The following CFAP251 variants were observed in gnomAD, a reference collection of about 807,000 sequenced individuals.
The protein encoded by CFAP251 is cilia- and flagella-associated protein 251.
Under a neutral mutation model 126.7 loss-of-function variants are expected in CFAP251, and 93 were observed. The ratio of observed to expected loss-of-function variants is 0.73; its 90% CI spans 0.62 to 0.87. CFAP251 has a LOEUF of 0.87. Ranked by LOEUF, CFAP251 falls within the 40% of genes least tolerant of loss-of-function variation. The pLI is 0.00. For synonymous variants in CFAP251, 503 were observed against 506.9 expected, an observed-to-expected ratio of 0.99 and a Z score of 0.10; for missense variants, 1,287 against 1,389.2, an observed-to-expected ratio of 0.93 and a Z score of 1.17.
chr12:121,988,330 C>T (rs830122), intron 19 of CFAP251, among the ~76,000 whole-genome samples: 133,329 of 151,934 alleles, frequency 0.88, 58,672 homozygotes, highest in African/African-American at 0.94. Context: ...ATCACCACCA[C>T]GTAATCCTAG....
chr12:121,928,690 GTA>G (rs367690393), intron 3 of CFAP251, among the ~76,000 whole-genome samples: 4 of 62,834 alleles, frequency 6.4e-5, no homozygotes, highest in African/African-American at 3.0e-4. Context: ...ATATATATAC[GTA>G]TATATATATA....
At chr12:121,951,407 TTTTATTATTAA>T in intron 8 of CFAP251, 62 bp from the exon 9 acceptor site, 1 of 1,088,246 alleles carries the variant, frequency 9.2e-7, no homozygotes, top group South Asian at 1.8e-5. Flanking sequence ...TTTGTTTTGC[TTTTATTATTAA>T]TGCCGTTCTT....
chr12:121,969,570 C>T (rs539280606), intron 17 of CFAP251: 25 of 869,486 alleles, frequency 2.9e-5, no homozygotes, highest in South Asian at 2.1e-4. Context: ...ACTGCAGCCT[C>T]GAACTCCTGG....
chr12:121,940,635 C>A (rs566647448), intron 5 of CFAP251, among the ~76,000 whole-genome samples: 1 of 152,324 alleles, frequency 6.6e-6, no homozygotes, highest in Non-Finnish European at 1.5e-5. Context: ...AGACCTCCCC[C>A]AACCCAACCA....
intron 19 of CFAP251, among the ~76,000 whole-genome samples, chr12:121,979,667 C>T (rs1332979647): frequency 6.8e-6 from 1 of 147,920 alleles, no homozygotes; most frequent in Admixed American, 6.9e-5. Context: ...CAGGTTCAAG[C>T]GATTCTCCTG....
At chr12:121,963,171 G>A (rs1223076498) in intron 15 of CFAP251, among the ~76,000 whole-genome samples, 1 of 152,210 alleles carries the variant, frequency 6.6e-6, no homozygotes, top group East Asian at 1.9e-4. Flanking sequence ...AGAGCTGATG[G>A]CGGCTTGGCC....
At chr12:121,946,550 G>C in intron 7 of CFAP251, among the ~76,000 whole-genome samples, 1 of 152,108 alleles carries the variant, frequency 6.6e-6, no homozygotes, top group Non-Finnish European at 1.5e-5. Flanking sequence ...GCCCCCAGCT[G>C]ATTTTACAGA....
At chr12:121,925,595 A>T (rs766859028) in intron 3 of CFAP251, among the ~76,000 whole-genome samples, 2 of 152,084 alleles carry the variant, frequency 1.3e-5, no homozygotes, top group Admixed American at 1.3e-4. Flanking sequence ...GCAACTGTTC[A>T]CTCCGAGAGA....
intron 5 of CFAP251, among the ~76,000 whole-genome samples, chr12:121,936,401 C>G (rs1369082178): frequency 6.6e-6 from 1 of 152,188 alleles, no homozygotes; most frequent in East Asian, 1.9e-4. Flanking sequence ...GAGCCATGAT[C>G]GTGCCATTGC....
chr12:122,000,056 T>G, intron 20 of CFAP251, 112 bp downstream of exon 20: 1 of 992,780 alleles, frequency 1.0e-6, no homozygotes, highest in Non-Finnish European at 1.5e-6. Context: ...AAAGAGGTGA[T>G]TTGACCAGAT....
intron 5 of CFAP251, among the ~76,000 whole-genome samples, chr12:121,934,678 A>G (rs951679030): frequency 2.0e-5 from 3 of 151,982 alleles, no homozygotes; most frequent in Non-Finnish European, 4.4e-5. Context: ...CATTCCATAC[A>G]TTTCTTGTTG....
intron 19 of CFAP251, among the ~76,000 whole-genome samples, chr12:121,991,436 A>T (rs1337613424): frequency 6.6e-6 from 1 of 152,236 alleles, no homozygotes; most frequent in Non-Finnish European, 1.5e-5. Flanking sequence ...TAAGAGCAGC[A>T]GTATTCAAAG....
At chr12:121,923,546 G>A in intron 2 of CFAP251, 76 bp from the exon 3 acceptor site, 1 of 1,510,522 alleles carries the variant, frequency 6.6e-7, no homozygotes, top group East Asian at 2.3e-5. Context: ...AAGACTGGCT[G>A]ACTGGGAATA....
chr12:121,963,887 T>C (rs1310084311), intron 15 of CFAP251, among the ~76,000 whole-genome samples: 1 of 151,830 alleles, frequency 6.6e-6, no homozygotes, highest in East Asian at 1.9e-4. Context: ...GGATCTTACC[T>C]GGTCAGCCCT....
At chr12:121,921,177 G>A in intron 1 of CFAP251, 109 bp from the exon 2 acceptor site, 1 of 1,232,870 alleles carries the variant, frequency 8.1e-7, no homozygotes, top group South Asian at 1.7e-5. Flanking sequence ...TTATTCCTAT[G>A]GAAAGGGAAC....
At chr12:121,932,799 C>A (rs191302090) in intron 4 of CFAP251, 1 of 152,378 alleles carries the variant, frequency 6.6e-6, no homozygotes, top group East Asian at 1.9e-4. Context: ...TCCAGAAATA[C>A]GCAGGCAGAA....
At chr12:121,979,478 G>A (rs1882561184) in intron 19 of CFAP251, among the ~76,000 whole-genome samples, 1 of 151,678 alleles carries the variant, frequency 6.6e-6, no homozygotes, top group South Asian at 2.1e-4. Context: ...ACATCTCCTG[G>A]GGGTGCTCAC....
In CFAP251 at chr12:121,934,372, C is replaced by A; in HGVS notation, c.998+16C>A. On this transcript the variant is annotated intron_variant, in intron 5 of 21. Coordinates refer to ENST00000288912, the MANE Select transcript of CFAP251 (RefSeq NM_144668.6). ...CCTTCACAGGGTAGGCTTTGTGTAGCCACTTCTTTTTTCCCTGAATTTCTG... is the reference window on the plus strand; with the variant it reads ...CCTTCACAGGGTAGGCTTTGTGTAGACACTTCTTTTTTCCCTGAATTTCTG... 1.3e-6 allele frequency: 2 copies of A among 1,587,438 alleles called. No homozygotes were observed. Among genetic ancestry groups the A allele is most frequent in the Non-Finnish European group, 1.7e-6 (2 of 1,157,302 alleles).
rs1463699327 is a variant in CFAP251, at chr12:121,945,446, C to T, written c.1191+2471C>T. On this transcript the variant is annotated intron_variant, in intron 7 of 21. Transcript: ENST00000288912. Reference sequence around the variant, plus strand: ...GCAACCTCTGCCTCCTGGGTTCAAGCGATTCTCCTGCCTCAACCTCCTGGG... The same window carrying T: ...GCAACCTCTGCCTCCTGGGTTCAAGTGATTCTCCTGCCTCAACCTCCTGGG... Among the ~76,000 whole-genome samples the T allele has an allele frequency of 3.3e-5, 5 of 151,634 alleles. No homozygotes were observed. In the East Asian group the frequency reaches 5.8e-4, roughly 18 times the overall value.
Sources: allele counts gnomAD v4.1 joint callset (sites outside exome capture counted in the v4.1 genomes callset), GRCh38; gene constraint gnomAD v4.1.1; transcripts MANE v1.5; gene names NCBI Gene and HGNC (gene_info 2026-07-23, HGNC 2026-07-21).